The following SELENOT variants were observed in gnomAD, a reference collection of about 807,000 sequenced individuals.
The protein encoded by SELENOT is thioredoxin reductase-like selenoprotein T.
SELENOT carries 9 observed loss-of-function variants against 24.3 expected under a neutral mutation model. The observed-to-expected ratio is 0.37, with a 90% CI of 0.22 to 0.65. SELENOT has a LOEUF of 0.65. Among genes scored for constraint, SELENOT ranks in the 30% least tolerant of loss-of-function variants. The pLI is 0.60. For missense variants in SELENOT, 166 were observed against 247.6 expected (o/e 0.67, Z 2.21); for synonymous variants, 81 against 86.0 (o/e 0.94, Z 0.32).
Position 150,624,861 on chromosome 3 carries a change from A to G in SELENOT, c.425A>G (p.Gln142Arg), listed in dbSNP as rs2108014856. Residue 142 changes from glutamine (Q) to arginine (R), a missense_variant, in exon 4 of 6, where the codon CAG (glutamine) becomes CGG (arginine). By Grantham distance (43) the Gln-to-Arg change is conservative. Around this residue, in one of 5 missense-constraint regions of SELENOT, gnomAD observed 44 missense variants for 72.2 expected, o/e 0.61. Coordinates refer to ENST00000471696, the MANE Select transcript of SELENOT (RefSeq NM_016275.5). The part of the protein sequence containing the change: ...VFFLSNMIEN[Q>R]CMSTGAFEIT... ...TTCTTGAGCAACATGATTGAGAACC[A>G]GTGTATGTCAACAGGTGCATTTGAG... 6.4e-7 allele frequency: 1 copy of G among 1,564,648 alleles called. No homozygotes were observed. The highest frequency in any genetic ancestry group is 8.7e-7 in the Non-Finnish European group (1 of 1,152,962).
intron 4 of SELENOT, among the ~76,000 whole-genome samples, chr3:150,626,418 G>T (rs889099125): frequency 1.3e-5 from 2 of 152,122 alleles, no homozygotes; most frequent in African/African-American, 4.8e-5. Flanking sequence ...TGTTACAGCT[G>T]CATTTAGGCT....
At chr3:150,614,694 A>C (rs1232379249) in intron 1 of SELENOT, 1 of 152,984 alleles carries the variant, frequency 6.5e-6, no homozygotes, top group African/African-American at 2.4e-5. Flanking sequence ...GAACTTTAAA[A>C]TCATTTTTAT....
intron 4 of SELENOT, among the ~76,000 whole-genome samples, chr3:150,626,496 C>T (rs1726447960): frequency 6.6e-6 from 1 of 152,178 alleles, no homozygotes; most frequent in East Asian, 1.9e-4. Flanking sequence ...CTTTCTGTCC[C>T]TTTACAGTTT....
At chr3:150,608,165 T>G (rs1242488992) in intron 1 of SELENOT, among the ~76,000 whole-genome samples, 2 of 152,158 alleles carry the variant, frequency 1.3e-5, no homozygotes, top group African/African-American at 4.8e-5. Flanking sequence ...AATAAACAAG[T>G]ATTATGAATG....
In SELENOT at chr3:150,623,061, G is replaced by T. The variant is rs1406946401; in HGVS notation, c.267G>T (p.Leu89=). The T allele has an allele frequency of 6.4e-7, 1 of 1,568,380 alleles. No homozygotes were observed. Among genetic ancestry groups the T allele is most frequent in the Non-Finnish European group, 8.6e-7 (1 of 1,159,834 alleles). Residue 89 remains leucine (L), a synonymous_variant, in exon 3 of 6, where the codon CTG becomes CTT. Transcript: ENST00000471696. The part of the protein sequence containing the change: ...QPIYRHIASF[L]SVFKLVLIGL... ...TTGATAGACACATAGCATCTTTCCT[G>T]TCAGTCTTCAAACTAGTATTAATAG...
At chr3:150,619,912 A>G (rs1319301973) in intron 1 of SELENOT, among the ~76,000 whole-genome samples, 1 of 152,222 alleles carries the variant, frequency 6.6e-6, no homozygotes, top group Non-Finnish European at 1.5e-5. Context: ...AAGCAAATAT[A>G]AGGAGGAATA....
At chr3:150,612,503 C>T (rs1047573631) in intron 1 of SELENOT, among the ~76,000 whole-genome samples, 11 of 152,136 alleles carry the variant, frequency 7.2e-5, no homozygotes, top group African/African-American at 1.4e-4. Context: ...TAATTTCGTT[C>T]ATATTCTGGA....
intron 1 of SELENOT, among the ~76,000 whole-genome samples, chr3:150,615,802 C>G (rs1468082177): frequency 2.6e-5 from 4 of 152,190 alleles, no homozygotes; most frequent in Non-Finnish European, 5.9e-5. Flanking sequence ...TCAATGCCAT[C>G]CCCATCAAGC....
chr3:150,614,812 T>C (rs890159432), intron 1 of SELENOT, among the ~76,000 whole-genome samples: 37 of 151,784 alleles, frequency 2.4e-4, no homozygotes, highest in African/African-American at 8.9e-4. Flanking sequence ...TATAAAACAT[T>C]TGTTAAAATT....
At position 150,623,030 on chromosome 3, in the gene SELENOT, T is replaced by C; in HGVS notation, c.249-13T>C. On this transcript the variant is annotated splice_polypyrimidine_tract_variant and intron_variant, in intron 2 of 5. Transcript: ENST00000471696. The stretch of plus-strand genomic sequence containing the variant: ...TGTGGCTTCTGATGATTTTCTTTCT[T>C]TTCTTTTGATAGACACATAGCATCT... 1 of 1,517,824 alleles carries C rather than the reference T, an allele frequency of 6.6e-7. No individual in the cohort carries two copies. The highest frequency in any genetic ancestry group is 8.8e-7 in the Non-Finnish European group (1 of 1,133,538). The allele number at this position is 1,517,824 out of a possible 1,614,324, so 94.0% of individuals were successfully genotyped here. A position where few individuals can be genotyped will look rare whatever the true frequency, so the allele number is the denominator to read the frequency against.
chr3:150,622,915 A>G (rs1293017026), intron 2 of SELENOT, 128 bp from the exon 3 acceptor site: 1 of 817,278 alleles, frequency 1.2e-6, no homozygotes, highest in Non-Finnish European at 1.7e-6. Flanking sequence ...ATAAACTTTA[A>G]TTGCTTTTTC....
At chr3:150,611,123 A>G in intron 1 of SELENOT, 1 of 569,060 alleles carries the variant, frequency 1.8e-6, no homozygotes, top group South Asian at 2.3e-5. Context: ...ATGAGTTTCC[A>G]ACTAATTATT....
rs1281748032 is a variant in SELENOT, at chr3:150,603,369, C to T, written c.7C>T (p.Leu3Phe). The T allele has an allele frequency of 2.5e-6, 4 of 1,612,456 alleles. No individual in the cohort carries two copies. Among genetic ancestry groups the T allele is most frequent in the Non-Finnish European group, 3.4e-6 (4 of 1,178,962 alleles). Residue 3 changes from leucine to phenylalanine, a missense_variant, in exon 1 of 6, where the codon CTT becomes TTT. This residue lies in a region of SELENOT where 46 missense variants were observed against 49.3 expected (regional missense o/e 0.93). Coordinates refer to ENST00000471696, the MANE Select transcript of SELENOT (RefSeq NM_016275.5). The stretch of plus-strand genomic sequence containing the variant: ...AGTGGCTGGCTCATTTAAGATGAGG[C>T]TTCTGCTGCTTCTCCTAGTGGCGGC... MR[L>F]LLLLLVAASA...
At chr3:150,605,025 G>A (rs1324151177) in intron 1 of SELENOT, among the ~76,000 whole-genome samples, 2 of 110,224 alleles carry the variant, frequency 1.8e-5, no homozygotes, top group South Asian at 3.1e-4. Flanking sequence ...CAACAAGAGC[G>A]AAACTCCGTC....
intron 1 of SELENOT, among the ~76,000 whole-genome samples, chr3:150,619,407 G>A (rs571007820): frequency 4.7e-4 from 72 of 151,682 alleles, no homozygotes; most frequent in Non-Finnish European, 6.5e-4. Context: ...ACGGCGGCGG[G>A]CGCCTGTAAT....
rs1395228505 is a variant in SELENOT at position 150,612,557 on chromosome 3, T to C, written c.137+9058T>C. ...TATGACTAAAACAAGTTAACCTATC[T>C]GAGTCTATTTGCTCAATTATAAAGT... On this transcript the variant is annotated intron_variant, in intron 1 of 5. Coordinates refer to ENST00000471696, the MANE Select transcript of SELENOT (RefSeq NM_016275.5). 2.6e-5 allele frequency among the ~76,000 whole-genome samples: 4 copies of C among 152,378 alleles called. No homozygotes were observed. In the East Asian group the frequency reaches 5.8e-4, roughly 22 times the overall value.
chr3:150,619,902 A>G (rs747156089), intron 1 of SELENOT, among the ~76,000 whole-genome samples: 1 of 152,234 alleles, frequency 6.6e-6, no homozygotes, highest in Non-Finnish European at 1.5e-5. Flanking sequence ...ACAAGTCTGG[A>G]AGCAAATATA....
Position 150,628,147 on chromosome 3 carries a change from T to C in SELENOT, c.*518T>C, listed in dbSNP as rs1039162536. ...TTGGCCATGTCCAGTTTATACAGTT[T>C]ACAAAATATAGCAGATGCAAGATTA... is the stretch of plus-strand genomic sequence containing the variant. On this transcript the variant is annotated 3_prime_UTR_variant, in exon 6 of 6. Coordinates refer to ENST00000471696, the MANE Select transcript of SELENOT (RefSeq NM_016275.5). 5.3e-5 allele frequency: 8 copies of C among 152,350 alleles called. No homozygotes were observed. Among genetic ancestry groups the C allele is most frequent in the African/African-American group, 1.9e-4 (8 of 41,454 alleles). The allele number at this position is 152,350 out of a possible 1,614,324, so 9.4% of individuals were successfully genotyped here. A position where few individuals can be genotyped will look rare whatever the true frequency, so the allele number is the denominator to read the frequency against.
In SELENOT at chr3:150,622,436, C is replaced by A; in HGVS notation, c.189C>A (p.Ser63Arg). 6.7e-7 allele frequency: 1 copy of A among 1,502,314 alleles called. No homozygotes were observed. The highest frequency in any genetic ancestry group is 9.0e-7 in the Non-Finnish European group (1 of 1,116,850). The allele number at this position is 1,502,314 out of a possible 1,614,324, so 93.1% of individuals were successfully genotyped here. The change falls in exon 2 of 6, where the codon AGC becomes AGA. Residue 63 changes from serine to arginine, a missense_variant. By Grantham distance (110) the Ser-to-Arg change is moderately radical (BLOSUM62 -1). Around this residue, in one of 5 missense-constraint regions of SELENOT, gnomAD observed 71 missense variants for 89.2 expected, o/e 0.80. Transcript: ENST00000471696. ...RVFEEYMRVI[S>R]QRYPDIRIEG... ...TTGAGGAGTACATGCGGGTTATTAG[C>A]CAGCGGTACCCAGACATCCGCATTG...
Sources: gnomAD v4.1 joint callset for allele counts (sites outside exome capture counted in the v4.1 genomes callset) on GRCh38, gnomAD v4.1.1 for gene constraint, gnomAD v4.1.1 regional missense constraint, MANE v1.5 for transcripts, NCBI Gene and HGNC (gene_info 2026-07-23, HGNC 2026-07-21) for gene names.